COPG1: variants seen among roughly 807,000 people sequenced by gnomAD.
COPG1 encodes the protein coatomer subunit gamma-1.
Under a neutral mutation model 102.8 loss-of-function variants are expected in COPG1, and 29 were observed. The observed-to-expected ratio is 0.28, with a 90% CI of 0.21 to 0.38. The LOEUF is 0.38. Ranked by LOEUF, COPG1 falls within the 10% of genes least tolerant of loss-of-function variation. COPG1 has a pLI of 1.00. For synonymous variants in COPG1, 406 were observed against 421.6 expected, an observed-to-expected ratio of 0.96 and a Z score of 0.45; for missense variants, 875 against 1,132.7, an observed-to-expected ratio of 0.77 and a Z score of 3.27.
At chr3:129,272,458 A>G (rs773978047) in intron 20 of COPG1, 43 bp downstream of exon 20, 4 of 1,552,460 alleles carry the variant, frequency 2.6e-6, no homozygotes, top group Non-Finnish European at 3.5e-6. Flanking sequence ...CTGGGAGCTC[A>G]TGGGGTCAGG....
rs533742765 is a variant in COPG1 at position 129,274,944 on chromosome 3, C to G, written c.2363C>G (p.Thr788Arg). 1.9e-6 allele frequency: 3 copies of G among 1,614,014 alleles called. No individual in the cohort carries two copies. Among genetic ancestry groups the G allele is most frequent in the Non-Finnish European group, 1.7e-6 (2 of 1,180,004 alleles). The change falls in exon 22 of 24, where the codon ACG becomes AGG. Residue 788 changes from threonine to arginine, a missense_variant. By Grantham distance (71) the Thr-to-Arg change is moderately conservative. Coordinates refer to ENST00000314797, the MANE Select transcript of COPG1 (RefSeq NM_016128.4). Reference protein sequence around the residue: ...EVGDEFEKEETFTLSTIKTLE... With the variant: ...EVGDEFEKEERFTLSTIKTLE... ...GGGGATGAATTTGAGAAGGAGGAAACGTTCACCTTGTCTACCATCAAGACA... is the reference window on the plus strand; with the variant it reads ...GGGGATGAATTTGAGAAGGAGGAAAGGTTCACCTTGTCTACCATCAAGACA...
intron 5 of COPG1, among the ~76,000 whole-genome samples, chr3:129,253,482 A>G (rs1939740502): frequency 6.6e-6 from 1 of 152,158 alleles, no homozygotes; most frequent in Non-Finnish European, 1.5e-5. Context: ...CTGGGGATAT[A>G]GCAACAAAAA....
chr3:129,257,464 C>G lies in COPG1; in HGVS notation c.580-6C>G. 6.2e-7 allele frequency: 1 copy of G among 1,614,160 alleles called. No individual in the cohort carries two copies. The highest frequency in any genetic ancestry group is 8.5e-7 in the Non-Finnish European group (1 of 1,180,018). On this transcript the variant is annotated splice_polypyrimidine_tract_variant and splice_region_variant and intron_variant, in intron 8 of 23. Transcript: ENST00000314797. Reference sequence around the variant, plus strand: ...TTGTACTCTGTTGCTGTCTCCTGTCCTATAGTACCACGCACTAGGGCTCCT... The same window carrying G: ...TTGTACTCTGTTGCTGTCTCCTGTCGTATAGTACCACGCACTAGGGCTCCT...
intron 21 of COPG1, among the ~76,000 whole-genome samples, chr3:129,274,392 C>T (rs562972520): frequency 1.3e-5 from 2 of 152,152 alleles, no homozygotes; most frequent in African/African-American, 2.4e-5. Flanking sequence ...ATCCAGAGGA[C>T]ACAGCTGGGG....
In COPG1 at chr3:129,252,624, G is replaced by C; in HGVS notation, c.173G>C (p.Gly58Ala). The C allele has an allele frequency of 6.2e-7, 1 of 1,613,706 alleles. No individual in the cohort carries two copies. Among genetic ancestry groups the C allele is most frequent in the Non-Finnish European group, 8.5e-7 (1 of 1,179,640 alleles). Residue 58 changes from glycine (G) to alanine (A), a missense_variant and splice_region_variant, in exon 4 of 24, where the codon GGG becomes GCG. Physicochemically the swap from Gly to Ala is moderately conservative, Grantham distance 60 (BLOSUM62 0). Transcript: ENST00000314797. ...AGACTTCTTTCTTGATTAACACAGG[G>C]GGAGCACCTGGGGACCACGGAAGCG... is the stretch of plus-strand genomic sequence containing the variant. ...LTKILYLINQ[G>A]EHLGTTEATE...
At chr3:129,255,767 A>G (rs1005642409) in intron 7 of COPG1, among the ~76,000 whole-genome samples, 1 of 152,120 alleles carries the variant, frequency 6.6e-6, no homozygotes, top group South Asian at 2.1e-4. Flanking sequence ...ACAAAGCGTG[A>G]GCCACCGCAC....
intron 10 of COPG1, among the ~76,000 whole-genome samples, chr3:129,258,870 C>T (rs1379657886): frequency 1.3e-5 from 2 of 152,030 alleles, no homozygotes; most frequent in Admixed American, 1.3e-4. Context: ...GAGGAGAAAG[C>T]CTATGAAGAG....
At chr3:129,255,471 C>T (rs1208883540) in intron 7 of COPG1, among the ~76,000 whole-genome samples, 2 of 147,252 alleles carry the variant, frequency 1.4e-5, no homozygotes, top group East Asian at 4.0e-4. Context: ...GCCACTGTGC[C>T]TGGCCTCTCT....
Position 129,277,599 on chromosome 3 carries a change from G to GA in COPG1, c.*176dup. The GA allele has an allele frequency of 2.8e-4, 104 of 374,976 alleles. No individual in the cohort carries two copies. The highest frequency in any genetic ancestry group is 1.5e-3 in the Middle Eastern group (2 of 1,296). 23.2% of individuals were successfully genotyped at this position (374,976 alleles called of 1,614,324 possible). On this transcript the variant is annotated 3_prime_UTR_variant, in exon 24 of 24. Coordinates refer to ENST00000314797, the MANE Select transcript of COPG1 (RefSeq NM_016128.4). The stretch of plus-strand genomic sequence containing the variant: ...CTCCCACCCGGGACTACTTGCTGGT[G>GA]ACTTTTTTTTTTTTTTTTTTTAAAT...
At chr3:129,264,698 G>T (rs1940014973) in intron 13 of COPG1, among the ~76,000 whole-genome samples, 3 of 152,086 alleles carry the variant, frequency 2.0e-5, no homozygotes, top group Admixed American at 6.5e-5. Flanking sequence ...TGCCCAGGCT[G>T]GTCTCAAACT....
intron 14 of COPG1, among the ~76,000 whole-genome samples, chr3:129,266,642 C>G (rs1385171768): frequency 6.6e-6 from 1 of 152,046 alleles, no homozygotes; most frequent in Non-Finnish European, 1.5e-5. Flanking sequence ...AGTAATTGTT[C>G]CCTTTCTCAT....
chr3:129,264,915 G>C (rs1026545989), intron 13 of COPG1, among the ~76,000 whole-genome samples: 4 of 151,820 alleles, frequency 2.6e-5, no homozygotes, highest in African/African-American at 9.7e-5. Context: ...TCCACCTCCT[G>C]GGTTCAAGTG....
At chr3:129,250,652 A>T (rs754754111) in intron 1 of COPG1, 30 bp from the exon 2 acceptor site, 2 of 1,603,922 alleles carry the variant, frequency 1.2e-6, no homozygotes, top group African/African-American at 1.3e-5. Context: ...CAGAGTCACA[A>T]CCTACCTTCT....
At chr3:129,266,147 T>A (rs187111681) in intron 14 of COPG1, among the ~76,000 whole-genome samples, 2 of 152,118 alleles carry the variant, frequency 1.3e-5, no homozygotes, top group Non-Finnish European at 2.9e-5. Context: ...AATTTTTGTA[T>A]TTTTAGTAGA....
At chr3:129,254,853 G>T in intron 6 of COPG1, 110 bp downstream of exon 6, 1 of 1,209,696 alleles carries the variant, frequency 8.3e-7, no homozygotes. Flanking sequence ...GATGTGGGGT[G>T]GAGGCAGTGT....
intron 10 of COPG1, among the ~76,000 whole-genome samples, chr3:129,259,477 A>G (rs942614443): frequency 2.0e-5 from 3 of 150,090 alleles, no homozygotes; most frequent in East Asian, 1.9e-4. Context: ...AAAAAAAAAA[A>G]AAAGAAATGG....
intron 19 of COPG1, 153 bp from the exon 20 acceptor site, chr3:129,272,091 G>C: frequency 1.0e-6 from 1 of 987,414 alleles, no homozygotes; most frequent in Admixed American, 2.6e-5. Flanking sequence ...CATGGCTCCC[G>C]ATTGTCAGCA....
At position 129,274,186 on chromosome 3, in the gene COPG1, GAA is replaced by G. The variant is rs879199047; in HGVS notation, c.2257-641_2257-640del. 2.7e-4 allele frequency: 89 copies of G among 332,176 alleles called. 1 individual carries two copies. The highest frequency in any genetic ancestry group is 1.2e-3 in the South Asian group (52 of 42,748). The allele number at this position is 332,176 out of a possible 1,614,324, so 20.6% of individuals were successfully genotyped here. On this transcript the variant is annotated intron_variant, in intron 21 of 23. Transcript: ENST00000314797. ...CTGTTTGAGCCCATCCAGAGATGAA[GAA>G]AAAAAAAAAAGAGAGAGAGAGCTGG...
chr3:129,258,874 T>A (rs1939866448), intron 10 of COPG1, among the ~76,000 whole-genome samples: 1 of 152,120 alleles, frequency 6.6e-6, no homozygotes, highest in East Asian at 1.9e-4. Context: ...AGAAAGCCTA[T>A]GAAGAGGTGC....
Sources: allele counts gnomAD v4.1 joint callset (sites outside exome capture counted in the v4.1 genomes callset), GRCh38; gene constraint gnomAD v4.1.1; transcripts MANE v1.5; gene names NCBI Gene and HGNC (gene_info 2026-07-23, HGNC 2026-07-21).